The following MOCOS variants were observed in gnomAD, a reference collection of about 807,000 sequenced individuals.
MOCOS encodes molybdenum cofactor sulfurase, also known as human molybdenum cofactor sulfurase.
In MOCOS, 86 loss-of-function variants were observed where a neutral mutation model predicts 83.6. That is an observed-to-expected ratio of 1.03 (90% CI 0.86 to 1.23). The LOEUF (loss-of-function observed/expected upper bound fraction) is 1.23, where lower values mean the gene tolerates loss of function less well. Among genes scored for constraint, MOCOS ranks in the 50% most tolerant of loss-of-function variants. The pLI, the probability that MOCOS is intolerant of heterozygous loss-of-function variation, is 0.00. For missense variants in MOCOS, 1,120 were observed against 1,126.9 expected, an observed-to-expected ratio of 0.99 and a Z score of 0.09; for synonymous variants, 445 against 434.7, an observed-to-expected ratio of 1.02 and a Z score of -0.29.
intron 5 of MOCOS, among the ~76,000 whole-genome samples, chr18:36,204,066 T>C (rs1568051053): frequency 6.6e-6 from 1 of 152,206 alleles, no homozygotes; most frequent in African/African-American, 2.4e-5. Flanking sequence ...AAATAAAAAT[T>C]GTGGTAAACT....
In MOCOS at chr18:36,225,151, T is replaced by G. The variant is rs186543383; in HGVS notation, c.1960+4934T>G. ...TTTCAATTTTTCTTTTCTTTTTTTT[T>G]GTTTTGTTTGTTTGTTTTTGAGACG... On this transcript the variant is annotated intron_variant, in intron 9 of 14. Transcript: ENST00000261326. Among the ~76,000 whole-genome samples, 41 of 152,290 alleles carry G rather than the reference T, an allele frequency of 2.7e-4. 1 individual carries two copies. The East Asian group carries it at 6.0e-3, about 22-fold the overall frequency.
chr18:36,197,801 A>G (rs569460480), intron 2 of MOCOS, among the ~76,000 whole-genome samples: 11 of 151,896 alleles, frequency 7.2e-5, no homozygotes, highest in African/African-American at 1.9e-4. Flanking sequence ...CAGGTGTCCA[A>G]TGATGATTTT....
chr18:36,198,800 A>C (rs192436328), intron 3 of MOCOS, 44 bp downstream of exon 3: 2 of 1,591,980 alleles, frequency 1.3e-6, no homozygotes, highest in East Asian at 4.5e-5. Context: ...ACCTAGGCAG[A>C]CAGACTTCCT....
intron 1 of MOCOS, among the ~76,000 whole-genome samples, chr18:36,194,414 A>G (rs932755061): frequency 3.9e-4 from 60 of 152,314 alleles, no homozygotes; most frequent in Middle Eastern, 3.4e-3. Flanking sequence ...AGTACTTATT[A>G]TTAGTGTACA....
At chr18:36,225,351 C>G (rs1302410550) in intron 9 of MOCOS, among the ~76,000 whole-genome samples, 2 of 152,092 alleles carry the variant, frequency 1.3e-5, no homozygotes, top group African/African-American at 4.8e-5. Flanking sequence ...AGGGTTTCAC[C>G]ATGTTGGCCA....
chr18:36,235,776 A>G (rs917617127), intron 9 of MOCOS, among the ~76,000 whole-genome samples: 81 of 147,596 alleles, frequency 5.5e-4, no homozygotes, highest in African/African-American at 2.0e-3. Context: ...ATTTCTCCAC[A>G]TCCTCTCCAG....
rs1677132899 is a variant in MOCOS, at chr18:36,268,714, T to G, written c.*29T>G. 1 of 1,549,806 alleles carries G rather than the reference T, an allele frequency of 6.5e-7. No homozygotes were observed. Among genetic ancestry groups the G allele is most frequent in the Middle Eastern group, 1.7e-4 (1 of 5,920 alleles). On this transcript the variant is annotated 3_prime_UTR_variant, in exon 15 of 15. Coordinates refer to ENST00000261326, the MANE Select transcript of MOCOS (RefSeq NM_017947.4). ...AAATTTTTAGCATAAAGTTTCTCTT[T>G]TACAGTGATCTCTATTATTGTTAAG...
intron 9 of MOCOS, 123 bp downstream of exon 9, chr18:36,220,340 T>G: frequency 6.7e-6 from 7 of 1,049,002 alleles, no homozygotes; most frequent in East Asian, 2.9e-5. Flanking sequence ...ACCTCATCTC[T>G]ACAAAAAAAA....
intron 6 of MOCOS, 71 bp from the exon 7 acceptor site, chr18:36,213,295 C>A: frequency 8.4e-7 from 1 of 1,193,362 alleles, no homozygotes; most frequent in Non-Finnish European, 1.3e-6. Flanking sequence ...AGGTCCAAAT[C>A]CTGATCTGAA....
At chr18:36,238,337 T>A (rs2091567557) in intron 9 of MOCOS, among the ~76,000 whole-genome samples, 1 of 151,454 alleles carries the variant, frequency 6.6e-6, no homozygotes, top group Non-Finnish European at 1.5e-5. Flanking sequence ...TGTTGTGTCT[T>A]TGTTCTCGTT....
chr18:36,209,930 C>T (rs1401136973), intron 6 of MOCOS, among the ~76,000 whole-genome samples: 2 of 152,132 alleles, frequency 1.3e-5, no homozygotes, highest in African/African-American at 2.4e-5. Context: ...TCTTGAACAC[C>T]TGAGCTCAAT....
rs140966066 is a variant in MOCOS, at chr18:36,192,003, C to A, written c.143-3254C>A. Among the ~76,000 whole-genome samples, 633 of 152,320 alleles carry A rather than the reference C, an allele frequency of 4.2e-3. 7 individuals carry two copies. The highest frequency in any genetic ancestry group is 3.6e-3 in the Non-Finnish European group (245 of 68,026). The stretch of plus-strand genomic sequence containing the variant: ...CATCTGCAAAACCCCCCACAGCTAA[C>A]ATCATACTTAGTGGTGAAAGACTGA... On this transcript the variant is annotated intron_variant, in intron 1 of 14. Transcript: ENST00000261326.
intron 8 of MOCOS, 128 bp downstream of exon 8, chr18:36,216,105 C>A: frequency 1.0e-6 from 1 of 979,254 alleles, no homozygotes; most frequent in Non-Finnish European, 1.5e-6. Flanking sequence ...AAAAGCCATT[C>A]TCACTCTCCC....
At chr18:36,214,259 AAAAG>A (rs1432675718) in intron 7 of MOCOS, among the ~76,000 whole-genome samples, 19,236 of 66,342 alleles carry the variant, frequency 0.29, 1,519 homozygotes, top group Non-Finnish European at 0.47. Context: ...AAAAAAAAAA[AAAAG>A]AAAAGAAAAA....
chr18:36,211,889 G>C (rs185556396), intron 6 of MOCOS, among the ~76,000 whole-genome samples: 1 of 152,320 alleles, frequency 6.6e-6, no homozygotes, highest in African/African-American at 2.4e-5. Context: ...TGGCTTCTAA[G>C]GCTAGATCAG....
At chr18:36,255,124 A>C (rs1828480492) in intron 11 of MOCOS, among the ~76,000 whole-genome samples, 1 of 152,180 alleles carries the variant, frequency 6.6e-6, no homozygotes, top group African/African-American at 2.4e-5. Flanking sequence ...AGCGAAAATG[A>C]GCCTCTTAAT....
intron 10 of MOCOS, among the ~76,000 whole-genome samples, chr18:36,250,672 C>T (rs1337804491): frequency 6.6e-6 from 1 of 152,194 alleles, no homozygotes; most frequent in African/African-American, 2.4e-5. Context: ...CTAGAGGATT[C>T]TTGAGTTTTC....
intron 11 of MOCOS, among the ~76,000 whole-genome samples, chr18:36,255,709 C>T (rs676300): frequency 6.6e-5 from 10 of 151,828 alleles, no homozygotes; most frequent in African/African-American, 2.4e-4. Context: ...GGTCCACACA[C>T]CTGATTTGGA....
intron 8 of MOCOS, among the ~76,000 whole-genome samples, chr18:36,219,705 TA>T (rs977617465): frequency 6.6e-6 from 1 of 151,650 alleles, no homozygotes; most frequent in African/African-American, 2.4e-5. Flanking sequence ...ACAAACAAAT[TA>T]AAAAACAGCA....
Sources: allele counts gnomAD v4.1 joint callset (sites outside exome capture counted in the v4.1 genomes callset), GRCh38; gene constraint gnomAD v4.1.1; transcripts MANE v1.5; gene names NCBI Gene and HGNC (gene_info 2026-07-23, HGNC 2026-07-21).